The following DMD variants were observed in gnomAD, a reference collection of about 807,000 sequenced individuals.
DMD encodes the protein mutant dystrophin.
In DMD, 63 loss-of-function variants were observed where a neutral mutation model predicts 330.1. The ratio of observed to expected loss-of-function variants is 0.19; its 90% CI spans 0.16 to 0.24. DMD has a LOEUF of 0.24. Ranked by LOEUF, DMD falls within the 10% of genes least tolerant of loss-of-function variation. The pLI, the probability that DMD is intolerant of heterozygous loss-of-function variation, is 1.00. For synonymous variants in DMD, 1,223 were observed against 959.8 expected (o/e 1.27, Z -5.07); for missense variants, 3,344 against 2,684.1 (o/e 1.25, Z -5.43).
intron 67 of DMD, among the ~76,000 whole-genome samples, chrX:31,183,313 T>C (rs1255872584): frequency 1.8e-5 from 2 of 110,090 alleles, no homozygotes; most frequent in African/African-American, 3.3e-5. Context: ...GATTTTTTTT[T>C]CTAGAGAATC....
At chrX:31,746,799 T>C (rs886959331) in intron 51 of DMD, among the ~76,000 whole-genome samples, 5 of 110,491 alleles carry the variant, frequency 4.5e-5, no homozygotes, top group African/African-American at 1.6e-4. Flanking sequence ...TGTGCATGTG[T>C]CTGTGAGCAC....
intron 7 of DMD, among the ~76,000 whole-genome samples, chrX:32,782,293 A>G (rs971941133): frequency 3.6e-5 from 4 of 111,788 alleles, no homozygotes; most frequent in African/African-American, 1.3e-4. Context: ...CATAAGCACA[A>G]AACAAAACAA....
intron 1 of DMD, among the ~76,000 whole-genome samples, chrX:33,329,381 A>G (rs1337805907): frequency 8.9e-6 from 1 of 112,251 alleles, no homozygotes; most frequent in Non-Finnish European, 1.9e-5. Flanking sequence ...TGAGTATTTC[A>G]CTATTCTATG....
intron 34 of DMD, among the ~76,000 whole-genome samples, chrX:32,368,403 G>A (rs1337658888): frequency 2.7e-5 from 3 of 111,686 alleles, no homozygotes; most frequent in Non-Finnish European, 5.7e-5. Context: ...CTTGAAGGCG[G>A]AGTGTGCATG....
At chrX:32,962,771 G>C (rs1233191278) in intron 2 of DMD, among the ~76,000 whole-genome samples, 1 of 111,894 alleles carries the variant, frequency 8.9e-6, no homozygotes, top group Admixed American at 9.5e-5. Flanking sequence ...GATATGCTTG[G>C]AGGCAATATT....
chrX:32,875,507 T>G (rs2083305284), intron 2 of DMD, among the ~76,000 whole-genome samples: 1 of 112,215 alleles, frequency 8.9e-6, no homozygotes, highest in African/African-American at 3.2e-5. Context: ...TACTTCTAAT[T>G]TCACTTTAAT....
chrX:32,581,494 G>A (rs2053649901), intron 13 of DMD, among the ~76,000 whole-genome samples: 1 of 111,219 alleles, frequency 9.0e-6, no homozygotes, highest in African/African-American at 3.3e-5. Context: ...AATACCATAG[G>A]GACTAAATAG....
intron 56 of DMD, among the ~76,000 whole-genome samples, chrX:31,502,591 G>A (rs1160971351): frequency 1.8e-5 from 2 of 110,966 alleles, no homozygotes; most frequent in African/African-American, 6.5e-5. Context: ...GTATAAATGT[G>A]AACATTTTAT....
intron 7 of DMD, among the ~76,000 whole-genome samples, chrX:32,767,001 T>A (rs2073071266): frequency 8.9e-6 from 1 of 111,750 alleles, no homozygotes; most frequent in Non-Finnish European, 1.9e-5. Flanking sequence ...CAATGCCGCA[T>A]TAATACATAC....
intron 29 of DMD, among the ~76,000 whole-genome samples, chrX:32,434,640 G>A (rs1392026612): frequency 9.0e-6 from 1 of 111,317 alleles, no homozygotes; most frequent in Non-Finnish European, 1.9e-5. Context: ...CTACTGCATC[G>A]AAACAACAGT....
At position 31,147,784 on chromosome X, in the gene DMD, A is replaced by G. The variant is rs146721951; in HGVS notation, c.10554-266T>C. On this transcript the variant is annotated intron_variant, in intron 74 of 78. Transcript: ENST00000357033. ...GCTTTTCAATTTTTTATGTTACACT[A>G]AAAGCCTCGCGACTGGTATGTTCAG... is the stretch of plus-strand genomic sequence containing the variant. Among the ~76,000 whole-genome samples, 2,699 of 110,478 alleles carry G rather than the reference A, an allele frequency of 0.024. 99 individuals carry two copies. Among genetic ancestry groups the G allele is most frequent in the African/African-American group, 0.084 (2,552 of 30,284 alleles).
At chrX:32,401,520 T>G (rs1388784249) in intron 30 of DMD, among the ~76,000 whole-genome samples, 1 of 110,840 alleles carries the variant, frequency 9.0e-6, no homozygotes, top group Non-Finnish European at 1.9e-5. Context: ...ATTAAGATAA[T>G]TGAACTATGG....
intron 7 of DMD, among the ~76,000 whole-genome samples, chrX:32,742,007 T>G (rs2069340461): frequency 8.9e-6 from 1 of 111,740 alleles, no homozygotes; most frequent in African/African-American, 3.3e-5. Flanking sequence ...AATATATTTT[T>G]AGAATGTGTG....
intron 5 of DMD, among the ~76,000 whole-genome samples, chrX:32,821,375 G>C (rs1176324850): frequency 1.8e-5 from 2 of 110,182 alleles, no homozygotes; most frequent in Non-Finnish European, 3.8e-5. Flanking sequence ...ACGAGGTCAG[G>C]AGATCGAGAC....
At chrX:33,005,580 A>G (rs759035993) in intron 2 of DMD, among the ~76,000 whole-genome samples, 13 of 105,693 alleles carry the variant, frequency 1.2e-4, no homozygotes, top group Non-Finnish European at 2.3e-4. Context: ...GAAAGTTAGG[A>G]GAGAAATAAT....
chrX:32,041,482 CCTT>C (rs1217903801), intron 44 of DMD, among the ~76,000 whole-genome samples: 3 of 112,160 alleles, frequency 2.7e-5, no homozygotes, highest in Non-Finnish European at 5.6e-5. Context: ...TTCTTAAAAA[CCTT>C]CTGCTTTCTG....
chrX:32,398,384 G>A (rs1267764672), intron 30 of DMD, among the ~76,000 whole-genome samples: 1 of 109,072 alleles, frequency 9.2e-6, no homozygotes, highest in Non-Finnish European at 1.9e-5. Context: ...GTCTATTTCA[G>A]TGTCTCCCCT....
intron 32 of DMD, among the ~76,000 whole-genome samples, chrX:32,387,894 A>T (rs2097970438): frequency 9.0e-6 from 1 of 111,263 alleles, no homozygotes; most frequent in Non-Finnish European, 1.9e-5. Context: ...GTTAGCCATT[A>T]ACATTGTTTC....
At chrX:33,114,212 C>T (rs946103950) in intron 1 of DMD, among the ~76,000 whole-genome samples, 3 of 107,227 alleles carry the variant, frequency 2.8e-5, no homozygotes, top group Non-Finnish European at 5.8e-5. Context: ...CGGGTTCAAG[C>T]GATTCTCCTG....
Sources: gnomAD v4.1 joint callset for allele counts (sites outside exome capture counted in the v4.1 genomes callset) on GRCh38, gnomAD v4.1.1 for gene constraint, MANE v1.5 for transcripts, NCBI Gene and HGNC (gene_info 2026-07-23, HGNC 2026-07-21) for gene names.